EHBP1L1: variants seen among roughly 807,000 people sequenced by gnomAD.
EHBP1L1 encodes the protein EH domain-binding protein 1-like protein 1.
EHBP1L1 carries 122 observed loss-of-function variants against 151.1 expected under a neutral mutation model. The observed-to-expected ratio is 0.81, with a 90% CI of 0.70 to 0.94. The LOEUF is 0.94. Among genes scored for constraint, EHBP1L1 ranks in the 40% least tolerant of loss-of-function variants. The probability of loss-of-function intolerance (pLI) is 0.00; values close to 1 mark genes in which losing one functional copy is unlikely to be tolerated. For synonymous variants in EHBP1L1, 878 were observed against 810.1 expected, an observed-to-expected ratio of 1.08 and a Z score of -1.42; for missense variants, 1,941 against 1,959.8, an observed-to-expected ratio of 0.99 and a Z score of 0.18.
chr11:65,583,714 G>A lies in EHBP1L1; in HGVS notation c.3042G>A (p.Arg1014=), dbSNP rs1455796518. The change falls in exon 9 of 19, where the codon AGG becomes AGA. Residue 1014 remains arginine, a synonymous_variant. Transcript: ENST00000309295. ...VASGAGAGAP[R]ASSPEKAEED... ...GTGGGGCAGGGGCTGGGGCGCCCAGGGCCTCTTCCCCAGAGAAGGCTGAAG... is the reference window on the plus strand; with the variant it reads ...GTGGGGCAGGGGCTGGGGCGCCCAGAGCCTCTTCCCCAGAGAAGGCTGAAG... 2.6e-6 allele frequency: 4 copies of A among 1,552,158 alleles called. No individual in the cohort carries two copies. The South Asian group carries it at 3.6e-5, about 14-fold the overall frequency.
rs570255850 is a variant in EHBP1L1 at position 65,590,164 on chromosome 11, G to A, written c.4137G>A (p.Gly1379=). 3 of 1,613,792 alleles carry A rather than the reference G, an allele frequency of 1.9e-6. No homozygotes were observed. The South Asian group carries it at 3.3e-5, about 18-fold the overall frequency. The change falls in exon 15 of 19, where the codon GGG becomes GGA. Residue 1379 remains glycine, a synonymous_variant. Transcript: ENST00000309295. ...AACAGGAGCAGAGGCAGATAGATGG[G>A]CGGGCGGCTGAGGTGGAGATGCAGC... is the stretch of plus-strand genomic sequence containing the variant. ...ALEQEQRQID[G]RAAEVEMQLR...
intron 12 of EHBP1L1, among the ~76,000 whole-genome samples, chr11:65,587,685 C>T (rs1858044274): frequency 6.6e-6 from 1 of 152,184 alleles, no homozygotes; most frequent in African/African-American, 2.4e-5. Flanking sequence ...GGCTTTCTCC[C>T]ATTTTACATA....
chr11:65,579,858 A>G, intron 3 of EHBP1L1, 78 bp from the exon 4 acceptor site: 1 of 1,453,160 alleles, frequency 6.9e-7, no homozygotes, highest in Non-Finnish European at 9.5e-7. Flanking sequence ...ACTACCAAGC[A>G]CCTCCTGAGC....
In EHBP1L1 at chr11:65,583,544, G is replaced by A. The variant is rs768134843; in HGVS notation, c.2872G>A (p.Glu958Lys). The change falls in exon 9 of 19, where the codon GAG becomes AAG. Residue 958 changes from glutamate (E) to lysine (K), a missense_variant. Coordinates refer to ENST00000309295, the MANE Select transcript of EHBP1L1 (RefSeq NM_001099409.3). ...KSGAWGAQEA[E>K]MKVLESPENK... Reference sequence around the variant, plus strand: ...TGGGGCTTGGGGGGCCCAGGAAGCAGAGATGAAGGTTTTAGAGTCTCCAGA... The same window carrying A: ...TGGGGCTTGGGGGGCCCAGGAAGCAAAGATGAAGGTTTTAGAGTCTCCAGA... The A allele has an allele frequency of 1.9e-6, 3 of 1,613,016 alleles. No individual in the cohort carries two copies. In the African/African-American group the frequency reaches 4.0e-5, roughly 22 times the overall value.
chr11:65,581,233 G>A lies in EHBP1L1; in HGVS notation c.726G>A (p.Glu242=). 1 of 1,610,694 alleles carries A rather than the reference G, an allele frequency of 6.2e-7. No individual in the cohort carries two copies. Among genetic ancestry groups the A allele is most frequent in the Non-Finnish European group, 8.5e-7 (1 of 1,178,716 alleles). Residue 242 remains glutamate (E), a synonymous_variant, in exon 8 of 19, where the codon GAG becomes GAA. Transcript: ENST00000309295. Reference sequence around the variant, plus strand: ...CAGTTGCCAGCCCTTCTAATGCTGAGGATACCAGCCCAGCCCCTGTGAGTG... The same window carrying A: ...CAGTTGCCAGCCCTTCTAATGCTGAAGATACCAGCCCAGCCCCTGTGAGTG... ...QQAVASPSNA[E]DTSPAPVSAP...
chr11:65,586,753 T>C (rs1383002658), intron 12 of EHBP1L1, among the ~76,000 whole-genome samples: 1 of 152,194 alleles, frequency 6.6e-6, no homozygotes. Context: ...CTGTGGAAGA[T>C]GTGATACGCA....
chr11:65,579,450 C>T lies in EHBP1L1; in HGVS notation c.258+14C>T, dbSNP rs569599290. The T allele has an allele frequency of 3.4e-6, 5 of 1,471,790 alleles. No homozygotes were observed. Among genetic ancestry groups the T allele is most frequent in the Non-Finnish European group, 4.5e-6 (5 of 1,107,616 alleles). The allele number at this position is 1,471,790 out of a possible 1,614,324, so 91.2% of individuals were successfully genotyped here. ...ACCCTCTACAGGGTGAGTCTCTAGCCCTCCAGCATGGATGGCAATTGCAAC... is the reference window on the plus strand; with the variant it reads ...ACCCTCTACAGGGTGAGTCTCTAGCTCTCCAGCATGGATGGCAATTGCAAC... On this transcript the variant is annotated intron_variant, in intron 3 of 18. Transcript: ENST00000309295.
In EHBP1L1 at chr11:65,581,234, G is replaced by A. The variant is rs376705641; in HGVS notation, c.727G>A (p.Asp243Asn). The A allele has an allele frequency of 4.3e-6, 7 of 1,610,724 alleles. No individual in the cohort carries two copies. The highest frequency in any genetic ancestry group is 2.2e-5 in the East Asian group (1 of 44,794). The part of the protein sequence containing the change: ...QAVASPSNAE[D>N]TSPAPVSAPA... ...AGTTGCCAGCCCTTCTAATGCTGAG[G>A]ATACCAGCCCAGCCCCTGTGAGTGC... Residue 243 changes from aspartate to asparagine, a missense_variant, in exon 8 of 19, where the codon GAT becomes AAT. Transcript: ENST00000309295.
chr11:65,591,396 T>TG, intron 16 of EHBP1L1: 1 of 312,414 alleles, frequency 3.2e-6, no homozygotes, highest in South Asian at 2.9e-5. Context: ...CAGAGAGATC[T>TG]GATCTGGTTC....
chr11:65,577,182 C>T (rs1254903496), intron 1 of EHBP1L1, among the ~76,000 whole-genome samples: 3 of 152,296 alleles, frequency 2.0e-5, no homozygotes, highest in African/African-American at 7.2e-5. Context: ...AATATACGTG[C>T]TTGCTGGTGT....
At chr11:65,576,912 TGGAAACATCTCCACAATGTCCTTAAAAGG>T (rs1287559405) in intron 1 of EHBP1L1, among the ~76,000 whole-genome samples, 1 of 151,934 alleles carries the variant, frequency 6.6e-6, no homozygotes, top group East Asian at 1.9e-4. Context: ...GCTGGGAGGC[TGGAAACATCTCCACAATGTCCTTAAAAGG>T]GGAAACTGAG....
At chr11:65,586,968 C>A (rs11606601) in intron 12 of EHBP1L1, among the ~76,000 whole-genome samples, 2 of 152,004 alleles carry the variant, frequency 1.3e-5, no homozygotes, top group South Asian at 2.1e-4. Context: ...TTGGCCACCC[C>A]CCTCCCCCAT....
Position 65,582,796 on chromosome 11 carries a change from T to C in EHBP1L1, c.2124T>C (p.Ala708=). 5 of 1,613,480 alleles carry C rather than the reference T, an allele frequency of 3.1e-6. No individual in the cohort carries two copies. Among genetic ancestry groups the C allele is most frequent in the Non-Finnish European group, 4.2e-6 (5 of 1,179,798 alleles). The change falls in exon 9 of 19, where the codon GCT becomes GCC. Residue 708 remains alanine, a synonymous_variant. Coordinates refer to ENST00000309295, the MANE Select transcript of EHBP1L1 (RefSeq NM_001099409.3). ...GGACCCAGGAGACAGAGGTGGAAGC[T>C]TCTAGGGTACCAGAGTCAGAGGCTG... ...MLGTQETEVE[A]SRVPESEAEG...
In EHBP1L1 at chr11:65,583,708, GC is replaced by G. The variant is rs1565126371; in HGVS notation, c.3039del (p.Arg1014GlyfsTer76). The G allele has an allele frequency of 6.4e-7, 1 of 1,555,762 alleles. No individual in the cohort carries two copies. Among genetic ancestry groups the G allele is most frequent in the Non-Finnish European group, 8.7e-7 (1 of 1,152,108 alleles). ...TGGCCAGTGGGGCAGGGGCTGGGGCGCCCAGGGCCTCTTCCCCAGAGAAGGC... is the reference window on the plus strand; with the variant it reads ...TGGCCAGTGGGGCAGGGGCTGGGGCGCCAGGGCCTCTTCCCCAGAGAAGGC... ...QVASGAGAGAPRASSPEKAEE... is the reference protein window; with the variant it reads ...QVASGAGAGAXRASSPEKAEE... On this transcript the variant is annotated frameshift_variant, in exon 9 of 19. Transcript: ENST00000309295. LOFTEE classifies it high-confidence loss of function.
At chr11:65,576,678 G>C (rs755118799) in intron 1 of EHBP1L1, among the ~76,000 whole-genome samples, 11 of 152,202 alleles carry the variant, frequency 7.2e-5, no homozygotes, top group Non-Finnish European at 1.3e-4. Flanking sequence ...CCTCAGCTGC[G>C]GTCAGGGCTG....
chr11:65,579,975 T>A lies in EHBP1L1; in HGVS notation c.298T>A (p.Phe100Ile). 6.2e-7 allele frequency: 1 copy of A among 1,613,896 alleles called. No homozygotes were observed. Among genetic ancestry groups the A allele is most frequent in the African/African-American group, 1.3e-5 (1 of 75,018 alleles). The change falls in exon 4 of 19, where the codon TTT (phenylalanine) becomes ATT (isoleucine). Residue 100 changes from phenylalanine to isoleucine, a missense_variant. Physicochemically the swap from Phe to Ile is conservative, Grantham distance 21. Transcript: ENST00000309295. ...CCAGTATGAGGCCAAAGAGTGGACATTTATTATTGAAAATGTGAGTGTCTG... is the reference window on the plus strand; with the variant it reads ...CCAGTATGAGGCCAAAGAGTGGACAATTATTATTGAAAATGTGAGTGTCTG... The part of the protein sequence containing the change: ...VDQYEAKEWT[F>I]IIENESKGQR...
chr11:65,580,226 T>C lies in EHBP1L1; in HGVS notation c.458T>C (p.Leu153Pro), dbSNP rs1352822148. 2.5e-6 allele frequency: 4 copies of C among 1,613,646 alleles called. No homozygotes were observed. The highest frequency in any genetic ancestry group is 3.4e-6 in the Non-Finnish European group (4 of 1,179,852). Reference protein sequence around the residue: ...KVVQAELSLTLSGVLLREGRA... With the variant: ...KVVQAELSLTPSGVLLREGRA... ...GTGCAGGCTGAGCTGAGCCTCACTC[T>C]TTCCGGGGTGCTGCTGCGGGAGGGC... The change falls in exon 5 of 19, where the codon CTT (leucine) becomes CCT (proline). Residue 153 changes from leucine to proline, a missense_variant. Physicochemically the swap from Leu to Pro is moderately conservative, Grantham distance 98. Transcript: ENST00000309295.
rs938091708 is a variant in EHBP1L1 at position 65,591,843 on chromosome 11, C to G, written c.4327C>G (p.Arg1443Gly). ...GGAGCGAAGGTTCGAGCTGCTGAGC[C>G]GCGAGCTGCGGGCCATGCTGGCCAT... ...DLERRFELLS[R>G]ELRAMLAIED... Residue 1443 changes from arginine (R) to glycine (G), a missense_variant, in exon 17 of 19, where the codon CGC becomes GGC. By Grantham distance (125) the Arg-to-Gly change is moderately radical. Transcript: ENST00000309295. 2 of 1,553,942 alleles carry G rather than the reference C, an allele frequency of 1.3e-6. No individual in the cohort carries two copies. Among genetic ancestry groups the G allele is most frequent in the Non-Finnish European group, 1.7e-6 (2 of 1,149,144 alleles).
chr11:65,585,702 G>T lies in EHBP1L1; in HGVS notation c.3933+111G>T. On this transcript the variant is annotated intron_variant, in intron 12 of 18. Coordinates refer to ENST00000309295, the MANE Select transcript of EHBP1L1 (RefSeq NM_001099409.3). This position sits in a 1 kb window ranked among gnomAD's most constrained non-coding sequence, Gnocchi z 4.0. ...CCCCAAGGACAGAGCTGGCGCGAGG[G>T]TGACGGTTTCAGAGTGGCGGGGCTC... 2 of 1,474,790 alleles carry T rather than the reference G, an allele frequency of 1.4e-6. No homozygotes were observed. Among genetic ancestry groups the T allele is most frequent in the Non-Finnish European group, 1.8e-6 (2 of 1,109,420 alleles). The allele number at this position is 1,474,790 out of a possible 1,614,324, so 91.4% of individuals were successfully genotyped here. A position where few individuals can be genotyped will look rare whatever the true frequency, so the allele number is the denominator to read the frequency against.
Sources: allele counts gnomAD v4.1 joint callset (sites outside exome capture counted in the v4.1 genomes callset), GRCh38; gene constraint gnomAD v4.1.1; non-coding constraint Gnocchi (gnomAD v3.1); transcripts MANE v1.5; gene names NCBI Gene and HGNC (gene_info 2026-07-23, HGNC 2026-07-21).